Variants in PDZD8 observed in about 807,000 individuals in gnomAD.
The protein encoded by PDZD8 is PDZ domain-containing protein 8.
In PDZD8, 14 loss-of-function variants were observed where a neutral mutation model predicts 85.8. That is an observed-to-expected ratio of 0.16 (90% CI 0.11 to 0.26). The LOEUF (loss-of-function observed/expected upper bound fraction) is 0.26. PDZD8 is among the 10% of genes least tolerant of loss of function. The pLI is 1.00. For missense variants in PDZD8, 1,197 were observed against 1,424.3 expected, an observed-to-expected ratio of 0.84 and a Z score of 2.57; for synonymous variants, 592 against 568.6, an observed-to-expected ratio of 1.04 and a Z score of -0.59.
intron 2 of PDZD8, among the ~76,000 whole-genome samples, chr10:117,322,349 G>C (rs1190030716): frequency 6.6e-6 from 1 of 152,136 alleles, no homozygotes; most frequent in Non-Finnish European, 1.5e-5. Context: ...TGGATCCTCT[G>C]TCTTCCTCAG....
chr10:117,320,791 CAT>C (rs1317648944), intron 2 of PDZD8, among the ~76,000 whole-genome samples: 2 of 152,130 alleles, frequency 1.3e-5, no homozygotes, highest in African/African-American at 2.4e-5. Context: ...ATCCAAAAAA[CAT>C]ATAAATTCTT....
chr10:117,300,809 T>C (rs1189189328), intron 3 of PDZD8, among the ~76,000 whole-genome samples: 2 of 152,076 alleles, frequency 1.3e-5, no homozygotes, highest in African/African-American at 4.8e-5. Flanking sequence ...TGTGAGGACA[T>C]AGGGAAAAGA....
At chr10:117,367,703 G>A (rs1845114323) in intron 1 of PDZD8, among the ~76,000 whole-genome samples, 1 of 152,156 alleles carries the variant, frequency 6.6e-6, no homozygotes, top group Non-Finnish European at 1.5e-5. Flanking sequence ...GGAGGCCGAG[G>A]CAGACAGAGC....
chr10:117,297,174 T>C (rs1843771636), intron 3 of PDZD8, among the ~76,000 whole-genome samples: 1 of 152,146 alleles, frequency 6.6e-6, no homozygotes, highest in South Asian at 2.1e-4. Flanking sequence ...TATTAAAAGA[T>C]GTTCAATTAG....
Position 117,284,252 on chromosome 10 carries a change from CT to C in PDZD8, c.2480del (p.Glu827GlyfsTer10). On this transcript the variant is annotated frameshift_variant, in exon 5 of 5. Transcript: ENST00000334464. LOFTEE classifies it high-confidence loss of function. ...LVEEVSVLPK[E>X]EQFVGQMGLT... is the part of the protein sequence containing the mutation. ...AACCCATCTGTCCAACAAATTGCTCCTCTTTAGGGAGAACAGAAACTTCTTC... is the reference window on the plus strand; with the variant it reads ...AACCCATCTGTCCAACAAATTGCTCCCTTTAGGGAGAACAGAAACTTCTTC... 2 of 1,614,198 alleles carry C rather than the reference CT, an allele frequency of 1.2e-6. No homozygotes were observed. Among genetic ancestry groups the C allele is most frequent in the Non-Finnish European group, 1.7e-6 (2 of 1,180,030 alleles).
At chr10:117,357,817 A>G (rs1442881225) in intron 1 of PDZD8, among the ~76,000 whole-genome samples, 1 of 139,984 alleles carries the variant, frequency 7.1e-6, no homozygotes, top group Non-Finnish European at 1.5e-5. Flanking sequence ...AAAAAAAAAA[A>G]AAAAGGCCTA....
At chr10:117,342,537 G>A (rs996822926) in intron 1 of PDZD8, among the ~76,000 whole-genome samples, 4 of 152,176 alleles carry the variant, frequency 2.6e-5, no homozygotes, top group African/African-American at 9.7e-5. Flanking sequence ...GAGTGCAGTG[G>A]CACGATCTTG....
rs2133900717 is a variant in PDZD8, at chr10:117,374,191, G to GC, written c.872+164dup. On this transcript the variant is annotated intron_variant, in intron 1 of 4. Coordinates refer to ENST00000334464, the MANE Select transcript of PDZD8 (RefSeq NM_173791.5). The surrounding 1 kb of genome is among the most constrained non-coding windows in gnomAD (Gnocchi z 7.8). ...CCTATCAATGCCGTTCGGAAGCAAA[G>GC]CAAGTGTTCACGACTCGCCTTGATC... Among the ~76,000 whole-genome samples the GC allele has an allele frequency of 6.6e-6, 1 of 152,368 alleles. No individual in the cohort carries two copies. The highest frequency in any genetic ancestry group is 6.5e-5 in the Admixed American group (1 of 15,310).
intron 3 of PDZD8, among the ~76,000 whole-genome samples, chr10:117,292,839 C>T (rs571267422): frequency 2.6e-5 from 4 of 151,106 alleles, no homozygotes; most frequent in African/African-American, 7.3e-5. Flanking sequence ...CTCACTTTCT[C>T]CCCAATTTTT....
At chr10:117,355,881 G>C (rs1319093363) in intron 1 of PDZD8, among the ~76,000 whole-genome samples, 3 of 151,980 alleles carry the variant, frequency 2.0e-5, no homozygotes, top group Non-Finnish European at 4.4e-5. Flanking sequence ...ACATTTTTCT[G>C]AAAATTTTCA....
chr10:117,364,403 A>C (rs1172710554), intron 1 of PDZD8, among the ~76,000 whole-genome samples: 2 of 152,138 alleles, frequency 1.3e-5, no homozygotes, highest in African/African-American at 2.4e-5. Flanking sequence ...TACATGTTTC[A>C]GTTCACTTTG....
At chr10:117,338,136 G>A (rs891180539) in intron 2 of PDZD8, among the ~76,000 whole-genome samples, 1 of 151,992 alleles carries the variant, frequency 6.6e-6, no homozygotes, top group Non-Finnish European at 1.5e-5. Context: ...TTTATACTAA[G>A]AAAAAAGTTT....
At position 117,283,920 on chromosome 10, in the gene PDZD8, A is replaced by T; in HGVS notation, c.2813T>A (p.Ile938Asn). The change falls in exon 5 of 5, where the codon ATT becomes AAT. Residue 938 changes from isoleucine to asparagine, a missense_variant. Coordinates refer to ENST00000334464, the MANE Select transcript of PDZD8 (RefSeq NM_173791.5). ...TAATAAACGAGAACTAGTATTGATAATATGCCTTGTCAAACCTGTTGTTTT... is the reference window on the plus strand; with the variant it reads ...TAATAAACGAGAACTAGTATTGATATTATGCCTTGTCAAACCTGTTGTTTT... ...VNKTTGLTRH[I>N]INTSSRLLNL... The T allele has an allele frequency of 6.2e-7, 1 of 1,614,212 alleles. No homozygotes were observed. The highest frequency in any genetic ancestry group is 8.5e-7 in the Non-Finnish European group (1 of 1,180,048).
chr10:117,317,547 A>G (rs1217835749), intron 3 of PDZD8, among the ~76,000 whole-genome samples: 1 of 152,224 alleles, frequency 6.6e-6, no homozygotes, highest in African/African-American at 2.4e-5. Context: ...GCTATAAAAT[A>G]TTAGAACTGT....
chr10:117,331,483 G>C (rs1421830776), intron 2 of PDZD8, among the ~76,000 whole-genome samples: 1 of 152,104 alleles, frequency 6.6e-6, no homozygotes, highest in Non-Finnish European at 1.5e-5. Flanking sequence ...TTTTGAAAGA[G>C]AGAAAATAAA....
chr10:117,313,221 G>A (rs1002266628), intron 3 of PDZD8, among the ~76,000 whole-genome samples: 3 of 152,114 alleles, frequency 2.0e-5, no homozygotes, highest in African/African-American at 7.2e-5. Flanking sequence ...TGAGCCCTTG[G>A]AATGTAGCTG....
intron 2 of PDZD8, among the ~76,000 whole-genome samples, chr10:117,320,840 T>A (rs1844215504): frequency 6.6e-6 from 1 of 152,080 alleles, no homozygotes; most frequent in Non-Finnish European, 1.5e-5. Context: ...AATGCAATTT[T>A]AAAATGGGCA....
At chr10:117,336,238 C>T (rs971466621) in intron 2 of PDZD8, among the ~76,000 whole-genome samples, 12 of 152,056 alleles carry the variant, frequency 7.9e-5, no homozygotes, top group African/African-American at 2.4e-4. Flanking sequence ...ATGTCAGCAC[C>T]GAAAAACACT....
At chr10:117,285,810 G>A (rs1027394731) in intron 4 of PDZD8, 1 of 895,940 alleles carries the variant, frequency 1.1e-6, no homozygotes, top group Non-Finnish European at 1.3e-6. Context: ...CTGAAGAAGT[G>A]AACAGAGAGA....
Sources: gnomAD v4.1 joint callset for allele counts (sites outside exome capture counted in the v4.1 genomes callset) on GRCh38, gnomAD v4.1.1 for gene constraint, Gnocchi (gnomAD v3.1) non-coding constraint, MANE v1.5 for transcripts, NCBI Gene and HGNC (gene_info 2026-07-23, HGNC 2026-07-21) for gene names.